The following ZNF343 variants were observed in gnomAD, a reference collection of about 807,000 sequenced individuals.
ZNF343 encodes the protein zinc finger protein 343.
In ZNF343, 11 loss-of-function variants were observed where a neutral mutation model predicts 13.8. That is an observed-to-expected ratio of 0.80 (90% CI 0.50 to 1.32). The LOEUF (loss-of-function observed/expected upper bound fraction) is 1.32. ZNF343 is among the 40% of genes most tolerant of loss of function. The pLI, the probability that ZNF343 is intolerant of heterozygous loss-of-function variation, is 0.00. For synonymous variants in ZNF343, 248 were observed against 260.0 expected (o/e 0.95, Z 0.44); for missense variants, 658 against 714.2 (o/e 0.92, Z 0.90).
chr20:2,518,189 A>G lies in ZNF343; in HGVS notation c.-347+6266T>C, dbSNP rs947802132. Among the ~76,000 whole-genome samples the G allele has an allele frequency of 4.0e-5, 6 of 151,576 alleles. No individual in the cohort carries two copies. The East Asian group carries it at 1.2e-3, about 30-fold the overall frequency. ...CCACCACGTCTGGCTACCTTTTTGT[A>G]TTTTTTTAGTAGAGACGTAGTTTCG... On this transcript the variant is annotated intron_variant, in intron 1 of 6. Transcript: ENST00000358413. The surrounding 1 kb of genome is among the most constrained non-coding windows in gnomAD (Gnocchi z 4.6).
At chr20:2,513,145 A>G (rs1393058055), upstream of ZNF343, among the ~76,000 whole-genome samples, 7 of 152,152 alleles carry the variant, frequency 4.6e-5, no homozygotes, top group Non-Finnish European at 1.0e-4. Flanking sequence ...TTGTGCGCCA[A>G]AGGACACTAC....
At chr20:2,492,893 T>C (rs2085390755) in intron 4 of ZNF343, 68 bp from the exon 5 acceptor site, 3 of 1,595,348 alleles carry the variant, frequency 1.9e-6, no homozygotes, top group African/African-American at 2.7e-5. Context: ...GGAGCACAGC[T>C]GGTGACCCTG....
At chr20:2,501,346 G>A (rs1181956649) in intron 1 of ZNF343, among the ~76,000 whole-genome samples, 1 of 152,222 alleles carries the variant, frequency 6.6e-6, no homozygotes, top group Non-Finnish European at 1.5e-5. Flanking sequence ...GCAGCTCAAG[G>A]AGGCCTGCCT....
In ZNF343 at chr20:2,518,535, G is replaced by A. The variant is rs139903913; in HGVS notation, c.-347+5920C>T. Among the ~76,000 whole-genome samples, 33 of 152,236 alleles carry A rather than the reference G, an allele frequency of 2.2e-4. No homozygotes were observed. The highest frequency in any genetic ancestry group is 7.9e-4 in the African/African-American group (33 of 41,526). On this transcript the variant is annotated intron_variant, in intron 1 of 6. Transcript: ENST00000358413. This position sits in a 1 kb window ranked among gnomAD's most constrained non-coding sequence, Gnocchi z 4.6. ...CCAAAATACACAATAGTACTCACAAGTGCCAGACTCTAACTTCTGATTTCT... is the reference window on the plus strand; with the variant it reads ...CCAAAATACACAATAGTACTCACAAATGCCAGACTCTAACTTCTGATTTCT...
intron 1 of ZNF343, among the ~76,000 whole-genome samples, chr20:2,521,135 AC>A (rs1290132708): frequency 3.3e-5 from 5 of 152,190 alleles, no homozygotes; most frequent in Non-Finnish European, 7.4e-5. Flanking sequence ...AGGGAAATGA[AC>A]GTGTAATCTC....
intron 2 of ZNF343, among the ~76,000 whole-genome samples, chr20:2,496,247 G>A (rs1235009563): frequency 5.3e-5 from 8 of 152,298 alleles, no homozygotes; most frequent in African/African-American, 1.7e-4. Flanking sequence ...TTTGAACAAT[G>A]TGAGGGAGTG....
chr20:2,499,091 C>T (rs557904561), intron 2 of ZNF343, among the ~76,000 whole-genome samples: 1 of 151,868 alleles, frequency 6.6e-6, no homozygotes, highest in Admixed American at 6.6e-5. Context: ...TCCCAAAGTG[C>T]TGGGATTACA....
intron 5 of ZNF343, among the ~76,000 whole-genome samples, chr20:2,486,431 G>A (rs2085282366): frequency 6.6e-6 from 1 of 152,148 alleles, no homozygotes; most frequent in Non-Finnish European, 1.5e-5. Context: ...ATATAGTTGA[G>A]AGATCTGTCT....
intron 5 of ZNF343, among the ~76,000 whole-genome samples, chr20:2,487,010 T>C (rs1568475122): frequency 6.6e-6 from 1 of 152,206 alleles, no homozygotes; most frequent in African/African-American, 2.4e-5. Context: ...TAATTCATTG[T>C]TCCAAAAAAA....
chr20:2,500,131 C>G (rs2085535360), intron 2 of ZNF343, among the ~76,000 whole-genome samples: 1 of 151,956 alleles, frequency 6.6e-6, no homozygotes, highest in Admixed American at 6.6e-5. Context: ...GTGGGGGGCT[C>G]AATGAAACAG....
rs1568473574 is a variant in ZNF343 at position 2,484,608 on chromosome 20, A to C, written c.353T>G (p.Phe118Cys). 2 of 1,611,286 alleles carry C rather than the reference A, an allele frequency of 1.2e-6. No homozygotes were observed. The change falls in exon 6 of 6, where the codon TTC (phenylalanine) becomes TGC (cysteine). Residue 118 changes from phenylalanine to cysteine, a missense_variant. Phe to Cys is a radical substitution (Grantham distance 205). Coordinates refer to ENST00000278772, the MANE Select transcript of ZNF343 (RefSeq NM_024325.6). ...IYTCSSCLLA[F>C]SCQQFLSQHV... The stretch of plus-strand genomic sequence containing the variant: ...TTGACTGAGGAACTGCTGACAGGAG[A>C]AGGCCAGAAGGCAGGAGGAACAAGT...
chr20:2,498,772 GA>G (rs1824506248), intron 2 of ZNF343, among the ~76,000 whole-genome samples: 1 of 152,190 alleles, frequency 6.6e-6, no homozygotes, highest in Non-Finnish European at 1.5e-5. Context: ...CCATTATACA[GA>G]TGAGGAGTAG....
chr20:2,493,700 T>C lies in ZNF343; in HGVS notation c.118+78A>G, dbSNP rs2085408718. On this transcript the variant is annotated intron_variant, in intron 3 of 5. Coordinates refer to ENST00000278772, the MANE Select transcript of ZNF343 (RefSeq NM_024325.6). ...AGGAAGTAGTCACTTAACTCAGAGG[T>C]GACCTCTGAAGCATTTTCAGGTGAA... is the stretch of plus-strand genomic sequence containing the variant. The C allele has an allele frequency of 3.6e-6, 5 of 1,406,358 alleles. No homozygotes were observed. In the South Asian group the frequency reaches 5.8e-5, roughly 16 times the overall value. 87.1% of individuals were successfully genotyped at this position (1,406,358 alleles called of 1,614,324 possible). A position where few individuals can be genotyped will look rare whatever the true frequency, so the allele number is the denominator to read the frequency against.
chr20:2,493,511 C>G lies in ZNF343; in HGVS notation c.177+8G>C. On this transcript the variant is annotated splice_region_variant and intron_variant, in intron 4 of 5. Transcript: ENST00000278772. ...TCAGGAAAAAAAAAAAATGTAACCCCAACTCACCACTATTTGGGCCTTTCC... is the reference window on the plus strand; with the variant it reads ...TCAGGAAAAAAAAAAAATGTAACCCGAACTCACCACTATTTGGGCCTTTCC... 1 of 1,613,156 alleles carries G rather than the reference C, an allele frequency of 6.2e-7. No individual in the cohort carries two copies. The highest frequency in any genetic ancestry group is 8.5e-7 in the Non-Finnish European group (1 of 1,179,268).
At position 2,493,587 on chromosome 20, in the gene ZNF343, G is replaced by C. The variant is rs1482537056; in HGVS notation, c.119-10C>G. 1.2e-6 allele frequency: 2 copies of C among 1,611,312 alleles called. No homozygotes were observed. Among genetic ancestry groups the C allele is most frequent in the East Asian group, 4.5e-5 (2 of 44,786 alleles). ...TCATTAGAAGGCAAGCCTAGGGAAA[G>C]AAAAAGAAGCTATGAGAAACCAGAC... On this transcript the variant is annotated splice_polypyrimidine_tract_variant and intron_variant, in intron 3 of 5. Coordinates refer to ENST00000278772, the MANE Select transcript of ZNF343 (RefSeq NM_024325.6).
upstream of ZNF343, among the ~76,000 whole-genome samples, chr20:2,524,908 G>T (rs1364378546): frequency 6.6e-6 from 1 of 152,158 alleles, no homozygotes; most frequent in Non-Finnish European, 1.5e-5. Flanking sequence ...CCGATCTTCC[G>T]CGGGGCCCAG....
In ZNF343 at chr20:2,493,670, G is replaced by C; in HGVS notation, c.119-93C>G. On this transcript the variant is annotated intron_variant, in intron 3 of 5. Coordinates refer to ENST00000278772, the MANE Select transcript of ZNF343 (RefSeq NM_024325.6). ...CCTGAGCAGCTCTTCTGAGCCTTAG[G>C]ATGAAGGAAGTAGTCACTTAACTCA... 2.3e-6 allele frequency: 3 copies of C among 1,332,238 alleles called. No homozygotes were observed. In the South Asian group the frequency reaches 3.5e-5, roughly 16 times the overall value. The allele number at this position is 1,332,238 out of a possible 1,614,324, so 82.5% of individuals were successfully genotyped here.
rs902903705 is a variant in ZNF343, at chr20:2,508,236, G to A, written c.-237+645C>T. On this transcript the variant is annotated intron_variant, in intron 1 of 5. Coordinates refer to ENST00000278772, the MANE Select transcript of ZNF343 (RefSeq NM_024325.6). This position sits in a 1 kb window ranked among gnomAD's most constrained non-coding sequence, Gnocchi z 4.5. ...CTCCTGACCCAAGACACTCGCCCAG[G>A]CCCTCTCAGGATATTTTGACCACGT... Among the ~76,000 whole-genome samples, 5 of 151,944 alleles carry A rather than the reference G, an allele frequency of 3.3e-5. No individual in the cohort carries two copies. Among genetic ancestry groups the A allele is most frequent in the Admixed American group, 6.6e-5 (1 of 15,252 alleles).
chr20:2,517,766 C>G (rs1447332429), intron 1 of ZNF343, among the ~76,000 whole-genome samples: 1 of 151,898 alleles, frequency 6.6e-6, no homozygotes, highest in Non-Finnish European at 1.5e-5. Flanking sequence ...CTCAGCCTCC[C>G]AAAGTGCTGG....
Sources: allele counts gnomAD v4.1 joint callset (sites outside exome capture counted in the v4.1 genomes callset), GRCh38; gene constraint gnomAD v4.1.1; non-coding constraint Gnocchi (gnomAD v3.1); transcripts MANE v1.5; gene names NCBI Gene and HGNC (gene_info 2026-07-23, HGNC 2026-07-21).